Variants in PDE1C observed in about 807,000 individuals in gnomAD.
PDE1C encodes dual specificity calcium/calmodulin-dependent 3',5'-cyclic nucleotide phosphodiesterase 1C.
In PDE1C, 62 loss-of-function variants were observed where a neutral mutation model predicts 93.1. The ratio of observed to expected loss-of-function variants is 0.67; its 90% CI spans 0.54 to 0.82. The LOEUF (loss-of-function observed/expected upper bound fraction) is 0.82, where lower values mean the gene tolerates loss of function less well. Ranked by LOEUF, PDE1C falls within the 40% of genes least tolerant of loss-of-function variation. The pLI is 0.00. For missense variants in PDE1C, 742 were observed against 884.6 expected (o/e 0.84, Z 2.04); for synonymous variants, 325 against 310.1 (o/e 1.05, Z -0.50).
At chr7:32,019,050 T>A (rs1479091033) in intron 2 of PDE1C, among the ~76,000 whole-genome samples, 1 of 147,370 alleles carries the variant, frequency 6.8e-6, no homozygotes, top group Non-Finnish European at 1.5e-5. Flanking sequence ...GTACCTATGA[T>A]AAACCAGGCA....
At chr7:32,281,860 A>C (rs1015116897) in intron 1 of PDE1C, among the ~76,000 whole-genome samples, 2 of 152,220 alleles carry the variant, frequency 1.3e-5, no homozygotes, top group Non-Finnish European at 2.9e-5. Flanking sequence ...GGATGAGTTC[A>C]TGTCCTTTCT....
At chr7:32,233,010 T>C (rs1353557739) in intron 1 of PDE1C, among the ~76,000 whole-genome samples, 1 of 152,158 alleles carries the variant, frequency 6.6e-6, no homozygotes, top group Non-Finnish European at 1.5e-5. Context: ...ACTGTGCATA[T>C]TAAGAACCAG....
intron 1 of PDE1C, among the ~76,000 whole-genome samples, chr7:32,285,541 T>C (rs556398096): frequency 2.0e-5 from 3 of 152,276 alleles, no homozygotes; most frequent in African/African-American, 7.2e-5. Flanking sequence ...TACTTATACA[T>C]GGTGATGATT....
chr7:31,775,931 G>A (rs1243063035), intron 16 of PDE1C, among the ~76,000 whole-genome samples, 199 bp from the exon 17 acceptor site: 1 of 152,198 alleles, frequency 6.6e-6, no homozygotes, highest in Non-Finnish European at 1.5e-5. Flanking sequence ...GTGTGTGACA[G>A]TACGCAGTTC....
chr7:32,106,286 A>C (rs1213767563), intron 3 of PDE1C, among the ~76,000 whole-genome samples: 1 of 152,120 alleles, frequency 6.6e-6, no homozygotes, highest in Non-Finnish European at 1.5e-5. Context: ...TGGGATTACA[A>C]TACTGCCTCA....
intron 16 of PDE1C, among the ~76,000 whole-genome samples, chr7:31,806,351 GAA>G (rs1786822769): frequency 1.3e-5 from 2 of 151,984 alleles, no homozygotes; most frequent in Non-Finnish European, 2.9e-5. Context: ...AAAATGCACT[GAA>G]AAGAGTATAT....
intron 2 of PDE1C, among the ~76,000 whole-genome samples, chr7:31,966,254 A>T (rs989077297): frequency 5.3e-5 from 8 of 152,190 alleles, no homozygotes; most frequent in Admixed American, 2.6e-4. Context: ...AAATAAAGGG[A>T]TGGAGGAAGA....
the PDE1C span, among the ~76,000 whole-genome samples, chr7:31,638,907 G>T: frequency 6.6e-6 from 1 of 152,046 alleles, no homozygotes; most frequent in Non-Finnish European, 1.5e-5. Context: ...CTCCCAAGTA[G>T]CTGGGATTAC....
intron 2 of PDE1C, among the ~76,000 whole-genome samples, chr7:31,950,992 T>C (rs1208135159): frequency 6.6e-6 from 1 of 152,152 alleles, no homozygotes; most frequent in African/African-American, 2.4e-5. Flanking sequence ...AAGGCATTTC[T>C]GGGTTGAGTT....
At chr7:31,644,277 C>T in the PDE1C span, among the ~76,000 whole-genome samples, 3 of 115,742 alleles carry the variant, frequency 2.6e-5, no homozygotes, top group Non-Finnish European at 5.7e-5. Flanking sequence ...AACTCATCTC[C>T]AGTTCTAGCT....
At chr7:32,397,895 C>T (rs1345346584) in intron 1 of PDE1C, among the ~76,000 whole-genome samples, 1 of 152,014 alleles carries the variant, frequency 6.6e-6, no homozygotes, top group Non-Finnish European at 1.5e-5. Context: ...TGGCATGCAC[C>T]TGTAATCCCA....
chr7:32,234,589 A>G (rs933886830), intron 1 of PDE1C, among the ~76,000 whole-genome samples: 6 of 152,060 alleles, frequency 3.9e-5, no homozygotes, highest in Admixed American at 2.6e-4. Context: ...AACATAAATT[A>G]TTCTAGAACT....
chr7:32,035,644 A>G (rs978617733), intron 2 of PDE1C, among the ~76,000 whole-genome samples: 24 of 152,304 alleles, frequency 1.6e-4, no homozygotes, highest in Admixed American at 5.9e-4. Flanking sequence ...GGAATTCCCT[A>G]TTTCCTTGCG....
chr7:31,843,197 T>A (rs1276576744), intron 9 of PDE1C, among the ~76,000 whole-genome samples: 1 of 152,026 alleles, frequency 6.6e-6, no homozygotes, highest in Non-Finnish European at 1.5e-5. Flanking sequence ...TGGTGTTCTA[T>A]AAATATTAAT....
chr7:31,829,208 T>C (rs566047381), intron 11 of PDE1C, among the ~76,000 whole-genome samples: 1 of 152,186 alleles, frequency 6.6e-6, no homozygotes, highest in East Asian at 1.9e-4. Context: ...CTACTAGATG[T>C]GAGATAGATC....
At chr7:31,630,244 C>CAAAAAAA in the PDE1C span, among the ~76,000 whole-genome samples, 1 of 103,714 alleles carries the variant, frequency 9.6e-6, no homozygotes, top group Non-Finnish European at 1.8e-5. Flanking sequence ...GTCTACTTGG[C>CAAAAAAA]AAAAAAAAAA....
chr7:31,747,838 G>A (rs960773801), downstream of PDE1C, among the ~76,000 whole-genome samples: 5 of 120,956 alleles, frequency 4.1e-5, no homozygotes, highest in Non-Finnish European at 8.4e-5. Context: ...TCCAGGTGGA[G>A]TCAGTCTGCA....
chr7:31,685,850 C>T, the PDE1C span, among the ~76,000 whole-genome samples: 1 of 152,132 alleles, frequency 6.6e-6, no homozygotes, highest in Non-Finnish European at 1.5e-5. Context: ...TCATCTCTTC[C>T]CAGGAGGTCC....
rs140055817 is a variant in PDE1C at position 31,768,010 on chromosome 7, C to T, written c.1960+7654G>A. ...TTGTAAAATAAACCTTCTTGAAAGGCCAGAAGGTTTTAGCAAAAGCCTCAG... is the reference window on the plus strand; with the variant it reads ...TTGTAAAATAAACCTTCTTGAAAGGTCAGAAGGTTTTAGCAAAAGCCTCAG... On this transcript the variant is annotated intron_variant, in intron 17 of 17. Transcript: ENST00000396191. 9.4e-4 allele frequency among the ~76,000 whole-genome samples: 143 copies of T among 152,248 alleles called. 1 individual carries two copies. The highest frequency in any genetic ancestry group is 3.3e-3 in the African/African-American group (137 of 41,554).
Sources: allele counts gnomAD v4.1 joint callset (sites outside exome capture counted in the v4.1 genomes callset), GRCh38; gene constraint gnomAD v4.1.1; transcripts MANE v1.5; gene names NCBI Gene and HGNC (gene_info 2026-07-23, HGNC 2026-07-21).